PPP2R2B: variants seen among roughly 807,000 people sequenced by gnomAD.
The protein encoded by PPP2R2B is protein phosphatase 2 regulatory subunit Bbeta, also known as serine/threonine-protein phosphatase 2A 55 kDa regulatory subunit B beta isoform.
PPP2R2B carries 5 observed loss-of-function variants against 46.0 expected under a neutral mutation model. The observed-to-expected ratio is 0.11, with a 90% CI of 0.06 to 0.23. The LOEUF (loss-of-function observed/expected upper bound fraction) is 0.23. Ranked by LOEUF, PPP2R2B falls within the 10% of genes least tolerant of loss-of-function variation. The probability of loss-of-function intolerance (pLI) is 1.00; values close to 1 mark genes in which losing one functional copy is unlikely to be tolerated. For missense variants in PPP2R2B, 367 were observed against 575.0 expected, an observed-to-expected ratio of 0.64 and a Z score of 3.70; for synonymous variants, 215 against 206.7, an observed-to-expected ratio of 1.04 and a Z score of -0.34.
intron 9 of PPP2R2B, among the ~76,000 whole-genome samples, chr5:146,590,921 T>C (rs1010923903): frequency 1.3e-5 from 2 of 149,782 alleles, no homozygotes; most frequent in Non-Finnish European, 2.9e-5. Flanking sequence ...ATGGTTTTTT[T>C]CCCACACTTA....
chr5:147,069,029 G>GA (rs1757495737), intron 2 of PPP2R2B, among the ~76,000 whole-genome samples: 1 of 152,032 alleles, frequency 6.6e-6, no homozygotes, highest in African/African-American at 2.4e-5. Flanking sequence ...AAAATAAAAT[G>GA]AAAAAACAAC....
At chr5:146,621,539 A>G (rs1392192017) in intron 7 of PPP2R2B, among the ~76,000 whole-genome samples, 1 of 152,188 alleles carries the variant, frequency 6.6e-6, no homozygotes, top group Non-Finnish European at 1.5e-5. Flanking sequence ...TTGGACTGGC[A>G]AGGATTAAAC....
At position 146,986,120 on chromosome 5, in the gene PPP2R2B, G is replaced by A. The variant is rs567734602; in HGVS notation, c.79+69545C>T. ...CATAATAACAAGAAGAGGCACATTG[G>A]AGAGGGGAGGAAGGACAGTCCCACA... On this transcript the variant is annotated intron_variant, in intron 1 of 8. Coordinates refer to the PPP2R2B transcript ENST00000336640. 2.0e-5 allele frequency among the ~76,000 whole-genome samples: 3 copies of A among 152,304 alleles called. No homozygotes were observed. The South Asian group carries it at 6.2e-4, about 32-fold the overall frequency.
chr5:146,591,640 G>GACTT (rs1561748403), intron 9 of PPP2R2B, among the ~76,000 whole-genome samples: 1 of 131,766 alleles, frequency 7.6e-6, no homozygotes, highest in Non-Finnish European at 1.6e-5. Flanking sequence ...ACCATGACCC[G>GACTT]ACTTATTTTT....
At chr5:146,692,902 GCTTGC>G (rs1375672906) in intron 4 of PPP2R2B, among the ~76,000 whole-genome samples, 6 of 152,156 alleles carry the variant, frequency 3.9e-5, no homozygotes, top group Non-Finnish European at 5.9e-5. Context: ...GCTTTGGTGG[GCTTGC>G]CTTATCAGAT....
Position 146,701,107 on chromosome 5 carries a change from C to T in PPP2R2B, c.106G>A (p.Gly36Arg). ...IISTVEFNHT[G>R]ELLATGDKGG... ...TTGTCCCCTGTCGCTAGTAATTCTCCCGTGTGGTTGAATTCTACCGTAGAG... is the reference window on the plus strand; with the variant it reads ...TTGTCCCCTGTCGCTAGTAATTCTCTCGTGTGGTTGAATTCTACCGTAGAG... Residue 36 changes from glycine to arginine, a missense_variant, in exon 3 of 10, where the codon GGA becomes AGA. Physicochemically the swap from Gly to Arg is moderately radical, Grantham distance 125 (BLOSUM62 -2). Transcript: ENST00000394411. 6.2e-7 allele frequency: 1 copy of T among 1,614,016 alleles called. No individual in the cohort carries two copies. Among genetic ancestry groups the T allele is most frequent in the South Asian group, 1.1e-5 (1 of 91,072 alleles).
intron 1 of PPP2R2B, among the ~76,000 whole-genome samples, chr5:146,981,854 T>G (rs902534396): frequency 6.6e-6 from 1 of 152,146 alleles, no homozygotes; most frequent in Non-Finnish European, 1.5e-5. Flanking sequence ...ATATACAAAC[T>G]GAGACAATGA....
intron 1 of PPP2R2B, among the ~76,000 whole-genome samples, chr5:147,051,596 A>G (rs1308324571): frequency 6.6e-6 from 1 of 152,078 alleles, no homozygotes; most frequent in African/African-American, 2.4e-5. Flanking sequence ...GTGGCAAGTC[A>G]CAGTACCCTT....
chr5:146,729,851 G>T (rs891456652), intron 2 of PPP2R2B, among the ~76,000 whole-genome samples: 7 of 152,212 alleles, frequency 4.6e-5, no homozygotes, highest in Non-Finnish European at 7.3e-5. Context: ...GCAGGGGCAG[G>T]GCCCTCATGG....
chr5:146,897,678 A>G lies in PPP2R2B; in HGVS notation c.79+157987T>C, dbSNP rs535013859. 1.5e-3 allele frequency among the ~76,000 whole-genome samples: 222 copies of G among 152,328 alleles called. 6 individuals carry two copies. In the South Asian group the frequency reaches 0.044, roughly 30 times the overall value. ...AATATAAAAACATATACTGGAGACA[A>G]CAGGGATACTTTTAGGGCCAGAAAT... On this transcript the variant is annotated intron_variant, in intron 1 of 8. Coordinates refer to the PPP2R2B transcript ENST00000336640.
intron 2 of PPP2R2B, among the ~76,000 whole-genome samples, chr5:146,817,633 T>C (rs141847573): frequency 4.6e-5 from 7 of 152,346 alleles, no homozygotes; most frequent in African/African-American, 1.7e-4. Flanking sequence ...GGGTTTTTAA[T>C]GACTAAAGTA....
upstream of PPP2R2B, chr5:146,879,291 G>C (rs1762084932): frequency 6.6e-6 from 1 of 150,956 alleles, no homozygotes; most frequent in Non-Finnish European, 1.5e-5. Context: ...TTTGCAACTG[G>C]TTCCCCCATT....
At chr5:146,675,620 T>A (rs1777658091) in intron 5 of PPP2R2B, among the ~76,000 whole-genome samples, 1 of 152,136 alleles carries the variant, frequency 6.6e-6, no homozygotes, top group Admixed American at 6.5e-5. Context: ...GTGGCTGCTA[T>A]TGTTAGATTA....
At chr5:146,671,693 G>A (rs1777385686) in intron 5 of PPP2R2B, among the ~76,000 whole-genome samples, 1 of 152,174 alleles carries the variant, frequency 6.6e-6, no homozygotes, top group Non-Finnish European at 1.5e-5. Context: ...GCTGTAAAAG[G>A]AGACATTATA....
chr5:146,839,038 T>G (rs920879732), intron 2 of PPP2R2B, among the ~76,000 whole-genome samples: 1 of 152,218 alleles, frequency 6.6e-6, no homozygotes, highest in African/African-American at 2.4e-5. Flanking sequence ...GTCCACATAC[T>G]GATTTCCAAC....
At chr5:146,645,949 T>C (rs1331057744) in intron 6 of PPP2R2B, among the ~76,000 whole-genome samples, 1 of 152,192 alleles carries the variant, frequency 6.6e-6, no homozygotes, top group Non-Finnish European at 1.5e-5. Flanking sequence ...ACTGAACACA[T>C]GTCTCCACAC....
intron 1 of PPP2R2B, among the ~76,000 whole-genome samples, chr5:147,048,390 A>T (rs1756636979): frequency 6.6e-6 from 1 of 152,120 alleles, no homozygotes; most frequent in Admixed American, 6.6e-5. Context: ...AAAAAATGAA[A>T]ATGGGGAAAA....
chr5:146,738,740 C>G (rs1175248671), intron 2 of PPP2R2B, among the ~76,000 whole-genome samples: 1 of 152,110 alleles, frequency 6.6e-6, no homozygotes, highest in Non-Finnish European at 1.5e-5. Flanking sequence ...TAATTATAGA[C>G]CATACTTCTC....
At chr5:146,779,103 A>G (rs1023992227) in intron 2 of PPP2R2B, among the ~76,000 whole-genome samples, 2 of 152,210 alleles carry the variant, frequency 1.3e-5, no homozygotes, top group African/African-American at 4.8e-5. Flanking sequence ...TCTCAAAGAA[A>G]GTAGCTGGAA....
Sources: allele counts gnomAD v4.1 joint callset (sites outside exome capture counted in the v4.1 genomes callset), GRCh38; gene constraint gnomAD v4.1.1; transcripts MANE v1.5; gene names NCBI Gene and HGNC (gene_info 2026-07-23, HGNC 2026-07-21).